Variants in LHFPL6 observed in about 807,000 individuals in gnomAD.
LHFPL6 encodes the protein LHFPL tetraspan subfamily member 6 protein.
In LHFPL6, 9 loss-of-function variants were observed where a neutral mutation model predicts 20.6. The observed-to-expected ratio is 0.44, with a 90% CI of 0.26 to 0.76. The LOEUF (loss-of-function observed/expected upper bound fraction) is 0.76. Among genes scored for constraint, LHFPL6 ranks in the 30% least tolerant of loss-of-function variants. The probability of loss-of-function intolerance (pLI) is 0.20; values close to 1 mark genes in which losing one functional copy is unlikely to be tolerated. For missense variants in LHFPL6, 218 were observed against 253.5 expected (o/e 0.86, Z 0.95); for synonymous variants, 105 against 98.7 (o/e 1.06, Z -0.38).
chr13:39,485,781 A>G (rs1232795035), intron 2 of LHFPL6, among the ~76,000 whole-genome samples: 1 of 152,172 alleles, frequency 6.6e-6, no homozygotes, highest in Non-Finnish European at 1.5e-5. Context: ...AAAGAAATTT[A>G]ATTTGCTTTG....
intron 2 of LHFPL6, among the ~76,000 whole-genome samples, chr13:39,583,597 A>G (rs935805684): frequency 6.6e-6 from 1 of 152,174 alleles, no homozygotes; most frequent in Non-Finnish European, 1.5e-5. Context: ...AATTACAATA[A>G]TGGTTACCTC....
intron 3 of LHFPL6, among the ~76,000 whole-genome samples, chr13:39,361,833 C>T (rs1869878063): frequency 1.3e-5 from 2 of 152,070 alleles, no homozygotes; most frequent in African/African-American, 2.4e-5. Flanking sequence ...TTGGTAATTG[C>T]ATTGCCAGAT....
chr13:39,527,386 G>A (rs1870323580), intron 2 of LHFPL6, among the ~76,000 whole-genome samples: 2 of 151,986 alleles, frequency 1.3e-5, no homozygotes, highest in South Asian at 4.1e-4. Context: ...GACCTCTGTG[G>A]ACCACTAGCA....
intron 2 of LHFPL6, among the ~76,000 whole-genome samples, chr13:39,596,868 A>C (rs988672706): frequency 6.6e-6 from 1 of 152,190 alleles, no homozygotes; most frequent in Non-Finnish European, 1.5e-5. Flanking sequence ...GGCATATCAT[A>C]TGACAGGTCA....
intron 2 of LHFPL6, among the ~76,000 whole-genome samples, chr13:39,390,724 G>C (rs1870686167): frequency 6.6e-6 from 1 of 152,198 alleles, no homozygotes; most frequent in Non-Finnish European, 1.5e-5. Flanking sequence ...GCCGGGTGCA[G>C]AGGCTCACAC....
intron 2 of LHFPL6, among the ~76,000 whole-genome samples, chr13:39,435,492 T>C (rs1226756598): frequency 6.6e-6 from 1 of 152,214 alleles, no homozygotes; most frequent in Non-Finnish European, 1.5e-5. Context: ...TTCTATGTTA[T>C]AAAGTAAAAT....
At chr13:39,432,800 A>G (rs1487749436) in intron 2 of LHFPL6, among the ~76,000 whole-genome samples, 1 of 152,218 alleles carries the variant, frequency 6.6e-6, no homozygotes, top group East Asian at 1.9e-4. Context: ...TGTAGGACCT[A>G]GAACACTGCC....
chr13:39,456,196 T>A (rs1244705513), intron 2 of LHFPL6, among the ~76,000 whole-genome samples: 1 of 152,238 alleles, frequency 6.6e-6, no homozygotes, highest in East Asian at 1.9e-4. Flanking sequence ...CTGGGGATAA[T>A]CTGCAGACTG....
intron 2 of LHFPL6, among the ~76,000 whole-genome samples, chr13:39,565,091 G>T (rs1051769595): frequency 6.6e-6 from 1 of 152,116 alleles, no homozygotes; most frequent in Non-Finnish European, 1.5e-5. Context: ...AATGACCATT[G>T]TTGTTTAAAA....
At chr13:39,387,221 CAT>C (rs1214418344) in intron 2 of LHFPL6, among the ~76,000 whole-genome samples, 9 of 152,178 alleles carry the variant, frequency 5.9e-5, no homozygotes, top group Non-Finnish European at 7.4e-5. Context: ...TTTGTACACA[CAT>C]GTTTTTGAAG....
intron 2 of LHFPL6, among the ~76,000 whole-genome samples, chr13:39,486,260 A>C (rs1868721494): frequency 6.6e-6 from 1 of 152,166 alleles, no homozygotes; most frequent in Non-Finnish European, 1.5e-5. Context: ...GTACTTAGTG[A>C]GTCTCCATTG....
At chr13:39,458,953 C>T (rs991324084) in intron 2 of LHFPL6, among the ~76,000 whole-genome samples, 1 of 152,118 alleles carries the variant, frequency 6.6e-6, no homozygotes, top group African/African-American at 2.4e-5. Context: ...TGAACTGTAA[C>T]CTTCCTGGGG....
intron 2 of LHFPL6, among the ~76,000 whole-genome samples, chr13:39,462,842 G>GC (rs1566117112): frequency 6.6e-6 from 1 of 152,110 alleles, no homozygotes; most frequent in African/African-American, 2.4e-5. Flanking sequence ...GGTGAAAATT[G>GC]CCCCTGAGAA....
chr13:39,520,513 A>G (rs1870074578), intron 2 of LHFPL6, among the ~76,000 whole-genome samples: 2 of 152,180 alleles, frequency 1.3e-5, no homozygotes, highest in Non-Finnish European at 2.9e-5. Flanking sequence ...GTAAAAAATA[A>G]AAAAGAGTCC....
At chr13:39,409,808 G>A (rs1039891863) in intron 2 of LHFPL6, among the ~76,000 whole-genome samples, 2 of 152,162 alleles carry the variant, frequency 1.3e-5, no homozygotes, top group Non-Finnish European at 2.9e-5. Context: ...GAAAGAAAAG[G>A]AAAAGAAACA....
chr13:39,550,451 C>A (rs1871116089), intron 2 of LHFPL6, among the ~76,000 whole-genome samples: 1 of 152,180 alleles, frequency 6.6e-6, no homozygotes, highest in East Asian at 1.9e-4. Context: ...ACACATTTTC[C>A]ATCAGAAAAA....
chr13:39,543,373 C>T (rs1870871045), intron 2 of LHFPL6, among the ~76,000 whole-genome samples: 1 of 152,180 alleles, frequency 6.6e-6, no homozygotes, highest in South Asian at 2.1e-4. Flanking sequence ...CTTCCACCAA[C>T]ATTCTTTGTG....
chr13:39,420,954 CTG>C (rs756009534), intron 2 of LHFPL6, among the ~76,000 whole-genome samples: 9 of 152,168 alleles, frequency 5.9e-5, no homozygotes, highest in Non-Finnish European at 1.3e-4. Context: ...GGTTCTGAAT[CTG>C]TGTTTTTCCC....
intron 2 of LHFPL6, among the ~76,000 whole-genome samples, chr13:39,438,151 G>A (rs1364947572): frequency 1.3e-5 from 2 of 152,194 alleles, no homozygotes; most frequent in East Asian, 1.9e-4. Flanking sequence ...TGGAAATCAG[G>A]ACAGGAACTT....
Sources: allele counts gnomAD v4.1 joint callset (sites outside exome capture counted in the v4.1 genomes callset), GRCh38; gene constraint gnomAD v4.1.1; transcripts MANE v1.5; gene names NCBI Gene and HGNC (gene_info 2026-07-23, HGNC 2026-07-21).